ELMO1: variants seen among roughly 807,000 people sequenced by gnomAD.
ELMO1 encodes engulfment and cell motility protein 1.
Under a neutral mutation model 98.9 loss-of-function variants are expected in ELMO1, and 26 were observed. The ratio of observed to expected loss-of-function variants is 0.26; its 90% CI spans 0.19 to 0.36. The LOEUF is 0.36. Ranked by LOEUF, ELMO1 falls within the 10% of genes least tolerant of loss-of-function variation. The pLI is 1.00. For synonymous variants in ELMO1, 346 were observed against 346.0 expected, an observed-to-expected ratio of 1.00 and a Z score of 0.00; for missense variants, 627 against 935.2, an observed-to-expected ratio of 0.67 and a Z score of 4.30.
intron 16 of ELMO1, among the ~76,000 whole-genome samples, chr7:36,898,305 G>A (rs897782040): frequency 3.3e-5 from 5 of 152,138 alleles, no homozygotes; most frequent in Admixed American, 6.5e-5. Flanking sequence ...ACGGTGTTGC[G>A]GAGACATCAG....
At chr7:37,086,467 G>T (rs1032694028) in intron 15 of ELMO1, among the ~76,000 whole-genome samples, 2 of 151,790 alleles carry the variant, frequency 1.3e-5, no homozygotes, top group South Asian at 4.2e-4. Flanking sequence ...TTTTGGCCAG[G>T]CGCAGTGGCT....
intron 10 of ELMO1, among the ~76,000 whole-genome samples, chr7:37,220,302 A>G (rs761120561): frequency 1.2e-4 from 18 of 152,210 alleles, no homozygotes; most frequent in Non-Finnish European, 2.4e-4. Flanking sequence ...TCACTTTTCC[A>G]TGGGCAAGTA....
At chr7:36,937,294 G>C (rs1349350575) in intron 16 of ELMO1, among the ~76,000 whole-genome samples, 1 of 152,192 alleles carries the variant, frequency 6.6e-6, no homozygotes, top group Non-Finnish European at 1.5e-5. Context: ...GCAATATGAA[G>C]ACAGTCACAC....
intron 1 of ELMO1, among the ~76,000 whole-genome samples, chr7:37,396,098 G>A (rs550997703): frequency 9.9e-5 from 15 of 151,934 alleles, no homozygotes; most frequent in African/African-American, 3.6e-4. Flanking sequence ...GTAATCAACA[G>A]TGGACCTTGA....
intron 4 of ELMO1, among the ~76,000 whole-genome samples, chr7:37,282,766 C>T (rs751434004): frequency 4.6e-5 from 7 of 152,208 alleles, no homozygotes; most frequent in African/African-American, 1.4e-4. Context: ...ACAGCAGCCC[C>T]GCCACCCCAT....
intron 13 of ELMO1, among the ~76,000 whole-genome samples, chr7:37,174,075 G>C (rs1055200912): frequency 6.6e-6 from 1 of 152,122 alleles, no homozygotes; most frequent in African/African-American, 2.4e-5. Context: ...ATTCCTTAAC[G>C]TATTAAATGA....
intron 1 of ELMO1, among the ~76,000 whole-genome samples, chr7:37,416,538 C>A (rs1216995618): frequency 1.3e-5 from 2 of 152,170 alleles, no homozygotes; most frequent in Non-Finnish European, 2.9e-5. Flanking sequence ...ATGAATGATG[C>A]CCCTGGAACT....
intron 13 of ELMO1, among the ~76,000 whole-genome samples, chr7:37,135,669 A>T (rs1038191728): frequency 1.3e-5 from 2 of 152,192 alleles, no homozygotes; most frequent in Non-Finnish European, 2.9e-5. Context: ...CATTCCTAGG[A>T]GAAGGGGGAG....
intron 20 of ELMO1, among the ~76,000 whole-genome samples, chr7:36,864,761 GA>G (rs1554342796): frequency 2.6e-5 from 4 of 152,200 alleles, no homozygotes; most frequent in Non-Finnish European, 5.9e-5. Context: ...CTTAGACATC[GA>G]ATGTTCAGGG....
intron 4 of ELMO1, among the ~76,000 whole-genome samples, chr7:37,292,547 G>C (rs1232199841): frequency 3.2e-4 from 31 of 96,852 alleles, no homozygotes; most frequent in African/African-American, 9.5e-4. Flanking sequence ...AGTGAGGAGC[G>C]TCTCTGCCCG....
At chr7:37,300,600 T>C (rs1479741193) in intron 4 of ELMO1, among the ~76,000 whole-genome samples, 1 of 103,108 alleles carries the variant, frequency 9.7e-6, no homozygotes. Context: ...GAACCAGCCT[T>C]GCATCCCAGG....
intron 16 of ELMO1, among the ~76,000 whole-genome samples, chr7:36,995,325 T>C (rs575961024): frequency 2.0e-5 from 3 of 152,204 alleles, no homozygotes; most frequent in East Asian, 1.9e-4. Flanking sequence ...CTGGCCAACA[T>C]TGTGAAACCC....
intron 16 of ELMO1, among the ~76,000 whole-genome samples, chr7:36,990,080 C>T (rs1484458665): frequency 1.3e-5 from 2 of 152,092 alleles, no homozygotes; most frequent in Non-Finnish European, 2.9e-5. Flanking sequence ...TTCAGAGGGT[C>T]CACTTCAAGA....
intron 16 of ELMO1, among the ~76,000 whole-genome samples, chr7:36,959,181 C>T (rs1306897923): frequency 6.6e-6 from 1 of 152,126 alleles, no homozygotes; most frequent in Non-Finnish European, 1.5e-5. Context: ...AGCATGCCCA[C>T]TCCTTGTCAT....
In ELMO1 at chr7:36,858,013, G is replaced by A. The variant is rs143299608; in HGVS notation, c.1984-2262C>T. On this transcript the variant is annotated intron_variant, in intron 21 of 21. Transcript: ENST00000310758. ...GATAACTTAGAAACTAATAACGACA[G>A]TAACTGCAACATATTGAGACACAAT... is the stretch of plus-strand genomic sequence containing the variant. Among the ~76,000 whole-genome samples, 3 of 152,300 alleles carry A rather than the reference G, an allele frequency of 2.0e-5. No individual in the cohort carries two copies. The East Asian group carries it at 5.8e-4, about 29-fold the overall frequency.
At chr7:37,150,589 T>G (rs2129317725) in intron 13 of ELMO1, among the ~76,000 whole-genome samples, 1 of 152,310 alleles carries the variant, frequency 6.6e-6, no homozygotes, top group Non-Finnish European at 1.5e-5. Context: ...ACAATCTCTA[T>G]AGTAGTATAT....
intron 14 of ELMO1, among the ~76,000 whole-genome samples, chr7:37,100,471 A>C (rs1329726846): frequency 1.3e-5 from 2 of 152,160 alleles, no homozygotes; most frequent in Admixed American, 6.5e-5. Flanking sequence ...CCCTCACTCA[A>C]ATATGAATCC....
chr7:37,344,322 G>A (rs1039928920), intron 1 of ELMO1, among the ~76,000 whole-genome samples: 12 of 152,064 alleles, frequency 7.9e-5, no homozygotes, highest in African/African-American at 2.2e-4. Flanking sequence ...GTGAGCCACC[G>A]TGACTGGCCA....
chr7:37,009,806 T>G (rs1793420823), intron 16 of ELMO1, among the ~76,000 whole-genome samples: 1 of 152,230 alleles, frequency 6.6e-6, no homozygotes. Context: ...TTAAAGACAT[T>G]TCTGAATTTG....
Sources: gnomAD v4.1 joint callset for allele counts (sites outside exome capture counted in the v4.1 genomes callset) on GRCh38, gnomAD v4.1.1 for gene constraint, MANE v1.5 for transcripts, NCBI Gene and HGNC (gene_info 2026-07-23, HGNC 2026-07-21) for gene names.